SMIM31: variants seen among roughly 807,000 people sequenced by gnomAD.
SMIM31 encodes the protein human epithelial cell program regulator.
At chr4:164,769,874 A>C (rs1035042920) in intron 1 of SMIM31, among the ~76,000 whole-genome samples, 10 of 152,086 alleles carry the variant, frequency 6.6e-5, no homozygotes, top group African/African-American at 2.4e-4. Flanking sequence ...GAGTGTCAGT[A>C]TAGTATATTG....
chr4:164,799,410 A>AATAAAC (rs894282187), intron 2 of SMIM31, among the ~76,000 whole-genome samples: 1 of 152,038 alleles, frequency 6.6e-6, no homozygotes, highest in African/African-American at 2.4e-5. Flanking sequence ...AAATAAATAA[A>AATAAAC]ATAAACATAA....
At chr4:164,772,585 A>ATTTTATTTTTTTT (rs70952642) in intron 2 of SMIM31, among the ~76,000 whole-genome samples, 1 of 142,696 alleles carries the variant, frequency 7.0e-6, no homozygotes, top group African/African-American at 2.6e-5. Flanking sequence ...TTTTTATTTT[A>ATTTTATTTTTTTT]TTTTTTTTTT....
At chr4:164,771,995 A>G (rs1395340784) in intron 2 of SMIM31, among the ~76,000 whole-genome samples, 9 of 152,180 alleles carry the variant, frequency 5.9e-5, no homozygotes, top group African/African-American at 2.2e-4. Flanking sequence ...GTAAGCATAA[A>G]AAACAACGGA....
intron 2 of SMIM31, among the ~76,000 whole-genome samples, chr4:164,795,787 A>G (rs1160652183): frequency 2.6e-5 from 4 of 152,146 alleles, no homozygotes; most frequent in African/African-American, 9.7e-5. Flanking sequence ...TTAATAATGC[A>G]TTTAATAACT....
intron 1 of SMIM31, among the ~76,000 whole-genome samples, chr4:164,756,173 A>G (rs73871396): frequency 0.011 from 1,723 of 152,316 alleles, 25 homozygotes; most frequent in African/African-American, 0.038. Context: ...ATTTTAATGG[A>G]TATGTACATC....
At chr4:164,755,351 G>C (rs1045502475) in intron 1 of SMIM31, among the ~76,000 whole-genome samples, 12 of 150,550 alleles carry the variant, frequency 8.0e-5, no homozygotes, top group Non-Finnish European at 3.0e-5. Flanking sequence ...ACGGTGGTGT[G>C]TGCCTGTAAT....
chr4:164,782,368 CTTTCTTTTATT>C (rs1479768106), intron 2 of SMIM31, among the ~76,000 whole-genome samples: 13 of 145,618 alleles, frequency 8.9e-5, no homozygotes, highest in African/African-American at 3.5e-4. Flanking sequence ...TACTTTATCT[CTTTCTTTTATT>C]TTTTTTTTTT....
At chr4:164,756,583 AAT>A (rs200425168) in intron 1 of SMIM31, among the ~76,000 whole-genome samples, 38 of 105,946 alleles carry the variant, frequency 3.6e-4, no homozygotes, top group Middle Eastern at 4.8e-3. Context: ...AAAAAAAAAT[AAT>A]AATAATATAA....
At chr4:164,780,414 G>A (rs535244157) in intron 2 of SMIM31, among the ~76,000 whole-genome samples, 6 of 152,282 alleles carry the variant, frequency 3.9e-5, no homozygotes, top group Admixed American at 1.3e-4. Flanking sequence ...GTGACAGAGC[G>A]AGACTCCATC....
chr4:164,767,310 G>T (rs10003667), intron 1 of SMIM31, among the ~76,000 whole-genome samples: 70,671 of 151,948 alleles, frequency 0.47, 17,345 homozygotes, highest in Admixed American at 0.55. Flanking sequence ...AAGGTAACCA[G>T]GCTTTAGTCA....
chr4:164,791,731 A>G (rs1205378000), intron 2 of SMIM31, among the ~76,000 whole-genome samples: 7 of 152,136 alleles, frequency 4.6e-5, no homozygotes, highest in Admixed American at 4.6e-4. Flanking sequence ...TTAAGGTACA[A>G]GTGGTTTTTA....
intron 2 of SMIM31, among the ~76,000 whole-genome samples, chr4:164,799,711 AC>A (rs1214817284): frequency 6.6e-6 from 1 of 152,200 alleles, no homozygotes; most frequent in African/African-American, 2.4e-5. Flanking sequence ...TAATCTGGGC[AC>A]CCATGGCCCA....
At chr4:164,778,261 G>T (rs538305944) in intron 2 of SMIM31, among the ~76,000 whole-genome samples, 2 of 152,100 alleles carry the variant, frequency 1.3e-5, no homozygotes, top group Non-Finnish European at 2.9e-5. Flanking sequence ...AAACCTTTCA[G>T]CACTCAAGAG....
chr4:164,772,931 G>A (rs922539719), intron 2 of SMIM31, among the ~76,000 whole-genome samples: 4 of 149,398 alleles, frequency 2.7e-5, no homozygotes, highest in Non-Finnish European at 5.9e-5. Context: ...ACGACAGAGA[G>A]CCAGAAGTTA....
chr4:164,770,355 T>C, intron 1 of SMIM31, 64 bp from the exon 2 acceptor site: 1 of 397,874 alleles, frequency 2.5e-6, no homozygotes, highest in Non-Finnish European at 4.4e-6. Context: ...CTAAAATAAA[T>C]CATTGCTGAG....
intron 1 of SMIM31, among the ~76,000 whole-genome samples, chr4:164,758,801 A>ATTTTTCTTTTTTTTTTTTTTTT (rs1732604575): frequency 1.6e-5 from 1 of 60,908 alleles, no homozygotes; most frequent in Non-Finnish European, 2.9e-5. Flanking sequence ...GCCCGGCCAA[A>ATTTTTCTTTTTTTTTTTTTTTT]TTTTTTTTTT....
intron 2 of SMIM31, among the ~76,000 whole-genome samples, chr4:164,797,918 T>C (rs777583429): frequency 6.6e-6 from 1 of 152,176 alleles, no homozygotes. Context: ...CTAATGTCTA[T>C]TACTCCACTC....
At chr4:164,771,696 C>A (rs1393347871) in intron 2 of SMIM31, among the ~76,000 whole-genome samples, 1 of 152,074 alleles carries the variant, frequency 6.6e-6, no homozygotes, top group East Asian at 1.9e-4. Flanking sequence ...GTAGCTCCAG[C>A]CACTCAGGAG....
intron 2 of SMIM31, among the ~76,000 whole-genome samples, chr4:164,784,899 G>T (rs11100577): frequency 2.7e-5 from 4 of 146,270 alleles, no homozygotes; most frequent in Non-Finnish European, 6.0e-5. Context: ...ATTTGTTTGG[G>T]TTTTTTTTTT....
Sources: gnomAD v4.1 joint callset for allele counts (sites outside exome capture counted in the v4.1 genomes callset) on GRCh38, gnomAD v4.1.1 for gene constraint, MANE v1.5 for transcripts, NCBI Gene and HGNC (gene_info 2026-07-23, HGNC 2026-07-21) for gene names.